The following FRMD6 variants were observed in gnomAD, a reference collection of about 807,000 sequenced individuals.
FRMD6 encodes FERM domain containing 6.
Under a neutral mutation model 73.2 loss-of-function variants are expected in FRMD6, and 37 were observed. That is an observed-to-expected ratio of 0.51 (90% CI 0.39 to 0.66). The LOEUF is 0.66. Among genes scored for constraint, FRMD6 ranks in the 30% least tolerant of loss-of-function variants. FRMD6 has a pLI of 0.00. For synonymous variants in FRMD6, 273 were observed against 282.2 expected (o/e 0.97, Z 0.33); for missense variants, 714 against 780.5 (o/e 0.91, Z 1.02).
chr14:51,646,147 T>C (rs1892055249), intron 2 of FRMD6, among the ~76,000 whole-genome samples: 1 of 151,140 alleles, frequency 6.6e-6, no homozygotes, highest in Admixed American at 6.6e-5. Context: ...CGAAACCCCG[T>C]CTCTACTAAA....
chr14:51,492,070 G>A (rs190817982), intron 1 of FRMD6, among the ~76,000 whole-genome samples: 41 of 152,302 alleles, frequency 2.7e-4, no homozygotes, highest in African/African-American at 8.9e-4. Flanking sequence ...AACTCTGCAG[G>A]AACATATGTT....
chr14:51,684,171 A>C (rs1894998471), intron 1 of FRMD6, among the ~76,000 whole-genome samples: 1 of 152,100 alleles, frequency 6.6e-6, no homozygotes, highest in Non-Finnish European at 1.5e-5. Flanking sequence ...TAAAAAAAAA[A>C]AAACCCTCAT....
chr14:51,700,244 A>T (rs1896219095), intron 3 of FRMD6, among the ~76,000 whole-genome samples: 1 of 152,046 alleles, frequency 6.6e-6, no homozygotes, highest in East Asian at 1.9e-4. Flanking sequence ...TAGGAATGCC[A>T]AAGACTTCTT....
At chr14:51,679,125 G>A (rs965706632) in intron 1 of FRMD6, among the ~76,000 whole-genome samples, 1 of 152,012 alleles carries the variant, frequency 6.6e-6, no homozygotes, top group South Asian at 2.1e-4. Context: ...AATTTAAGAG[G>A]TCACCCTGGC....
intron 1 of FRMD6, among the ~76,000 whole-genome samples, chr14:51,546,388 G>C (rs1950912): frequency 1.5e-5 from 2 of 137,352 alleles, no homozygotes; most frequent in Non-Finnish European, 3.1e-5. Context: ...TCTCAGGAAA[G>C]AGAAACTCTT....
intron 1 of FRMD6, among the ~76,000 whole-genome samples, chr14:51,506,532 C>T (rs1443339768): frequency 6.6e-6 from 1 of 152,186 alleles, no homozygotes; most frequent in Non-Finnish European, 1.5e-5. Context: ...TAAAAAGACT[C>T]ATAGTGCCCA....
chr14:51,701,137 TACG>T lies in FRMD6; in HGVS notation c.275_277del (p.Arg92del). 3.2e-6 allele frequency: 5 copies of T among 1,571,214 alleles called. No individual in the cohort carries two copies. Among genetic ancestry groups the T allele is most frequent in the Non-Finnish European group, 4.3e-6 (5 of 1,156,280 alleles). On this transcript the variant is annotated inframe_deletion, in exon 4 of 14. Transcript: ENST00000344768. ...GAATGGAAGAAAGAGGCCAGCAAGGTACGACAATACGAAGTCACTTGGGTGAGA... is the reference window on the plus strand; with the variant it reads ...GAATGGAAGAAAGAGGCCAGCAAGGTACAATACGAAGTCACTTGGGTGAGA...
the FRMD6 span, among the ~76,000 whole-genome samples, chr14:51,469,834 G>C: frequency 6.6e-6 from 1 of 151,978 alleles, no homozygotes; most frequent in Non-Finnish European, 1.5e-5. Flanking sequence ...GTTTGTGTAA[G>C]ATTGCTGTTA....
intron 2 of FRMD6, among the ~76,000 whole-genome samples, chr14:51,580,800 AAATGTATTTC>A (rs1441606233): frequency 6.6e-6 from 1 of 152,218 alleles, no homozygotes; most frequent in Non-Finnish European, 1.5e-5. Flanking sequence ...ATCAATTTGT[AAATGTATTTC>A]ATTACAAATA....
At chr14:51,620,230 T>C (rs1890874960) in intron 2 of FRMD6, among the ~76,000 whole-genome samples, 1 of 152,214 alleles carries the variant, frequency 6.6e-6, no homozygotes. Context: ...CTGTGAATTC[T>C]ACTTTTAAAT....
chr14:51,443,389 C>T, the FRMD6 span, among the ~76,000 whole-genome samples: 2 of 152,310 alleles, frequency 1.3e-5, no homozygotes, highest in African/African-American at 4.8e-5. Flanking sequence ...ATGGATATGA[C>T]TCAGCTGTGA....
chr14:51,507,377 A>G (rs1047687786), intron 1 of FRMD6, among the ~76,000 whole-genome samples: 1 of 151,950 alleles, frequency 6.6e-6, no homozygotes. Flanking sequence ...ATGTGCTTCC[A>G]GATCATTCCC....
intron 2 of FRMD6, among the ~76,000 whole-genome samples, chr14:51,621,823 G>A (rs1016538972): frequency 6.6e-6 from 1 of 152,154 alleles, no homozygotes; most frequent in East Asian, 1.9e-4. Context: ...AGCTGGGTCA[G>A]AAAGCCAGTG....
intron 1 of FRMD6, among the ~76,000 whole-genome samples, chr14:51,670,449 C>T (rs1893924245): frequency 6.6e-6 from 1 of 152,122 alleles, no homozygotes; most frequent in Admixed American, 6.5e-5. Context: ...AGTCTGTTTT[C>T]AAAACCAGGA....
intron 6 of FRMD6, 51 bp from the exon 7 acceptor site, chr14:51,708,027 C>CT (rs1282977091): frequency 1.3e-6 from 2 of 1,583,948 alleles, no homozygotes; most frequent in Admixed American, 1.7e-5. Context: ...GGGGGTAGAA[C>CT]TTACATCTCT....
At chr14:51,518,569 C>T (rs907307978) in intron 1 of FRMD6, among the ~76,000 whole-genome samples, 21 of 152,156 alleles carry the variant, frequency 1.4e-4, no homozygotes, top group Non-Finnish European at 2.6e-4. Context: ...ATAAACTGTA[C>T]TAAATACTAT....
intron 2 of FRMD6, among the ~76,000 whole-genome samples, chr14:51,691,588 A>ATTTTTTTTTTTTTTTTTTTTTT (rs758677611): frequency 8.0e-5 from 6 of 75,136 alleles, no homozygotes; most frequent in Non-Finnish European, 1.1e-4. Context: ...TTTGATTTTG[A>ATTTTTTTTTTTTTTTTTTTTTT]TTTTTTTTTT....
chr14:51,691,299 T>C (rs1895545427), intron 2 of FRMD6, among the ~76,000 whole-genome samples: 1 of 152,234 alleles, frequency 6.6e-6, no homozygotes, highest in Non-Finnish European at 1.5e-5. Context: ...AAAACTGTTA[T>C]GAACATGTTA....
the FRMD6 span, among the ~76,000 whole-genome samples, chr14:51,482,542 G>A: frequency 5.9e-5 from 9 of 152,146 alleles, no homozygotes; most frequent in Non-Finnish European, 1.3e-4. Context: ...GAGAATCACC[G>A]GGAATAGTGA....
Sources: gnomAD v4.1 joint callset for allele counts (sites outside exome capture counted in the v4.1 genomes callset) on GRCh38, gnomAD v4.1.1 for gene constraint, MANE v1.5 for transcripts, NCBI Gene and HGNC (gene_info 2026-07-23, HGNC 2026-07-21) for gene names.